SETDB1: variants seen among roughly 807,000 people sequenced by gnomAD.
SETDB1 encodes the protein histone-lysine N-methyltransferase SETDB1.
SETDB1 carries 31 observed loss-of-function variants against 137.4 expected under a neutral mutation model. That is an observed-to-expected ratio of 0.23 (90% CI 0.17 to 0.30). SETDB1 has a LOEUF of 0.30. SETDB1 is among the 10% of genes least tolerant of loss of function. SETDB1 has a pLI of 1.00. For synonymous variants in SETDB1, 548 were observed against 579.9 expected (o/e 0.95, Z 0.79); for missense variants, 1,113 against 1,631.5 (o/e 0.68, Z 5.47).
Position 150,950,541 on chromosome 1 carries a change from T to C in SETDB1, c.1667T>C (p.Leu556Pro). The C allele has an allele frequency of 6.2e-7, 1 of 1,614,096 alleles. No homozygotes were observed. The highest frequency in any genetic ancestry group is 8.5e-7 in the Non-Finnish European group (1 of 1,179,990). ...PPAPPVFHGM[L>P]ERAPAEPSYR... ...GCACCCCCAGTCTTCCATGGCATGC[T>C]GGAGCGGGCCCCAGCAGAGCCCTCC... is the stretch of plus-strand genomic sequence containing the variant. Residue 556 changes from leucine to proline, a missense_variant, in exon 13 of 22, where the codon CTG (leucine) becomes CCG (proline). Physicochemically the swap from Leu to Pro is moderately conservative, Grantham distance 98. Around this residue, in one of 11 missense-constraint regions of SETDB1, gnomAD observed 192 missense variants for 198.1 expected, o/e 0.97. Coordinates refer to ENST00000692827, the MANE Select transcript of SETDB1 (RefSeq NM_001366418.1).
intron 1 of SETDB1, chr1:150,926,809 G>A (rs774817510): frequency 1.1e-5 from 6 of 533,318 alleles, no homozygotes; most frequent in East Asian, 1.1e-4. Flanking sequence ...TGGATATTAG[G>A]TACCCACGTT....
At chr1:150,952,199 T>A (rs1193546470) in intron 14 of SETDB1, among the ~76,000 whole-genome samples, 1 of 151,916 alleles carries the variant, frequency 6.6e-6, no homozygotes, top group African/African-American at 2.4e-5. Flanking sequence ...TCTTACAGGA[T>A]TTTAAGCTGC....
intron 14 of SETDB1, among the ~76,000 whole-genome samples, chr1:150,956,819 AAGTT>A (rs1430357747): frequency 2.0e-5 from 3 of 151,738 alleles, no homozygotes; most frequent in Non-Finnish European, 2.9e-5. Flanking sequence ...ATCTTTTTTA[AAGTT>A]AGAAAAAAAA....
rs186820437 is a variant in SETDB1 at position 150,945,148 on chromosome 1, G to A, written c.1140+40G>A. Reference sequence around the variant, plus strand: ...TACAATTTTGGAGGCAGAGGTTGGTGGGGGGGGAACTTAAGAAGCAGTAAT... The same window carrying A: ...TACAATTTTGGAGGCAGAGGTTGGTAGGGGGGGAACTTAAGAAGCAGTAAT... On this transcript the variant is annotated intron_variant, in intron 9 of 21. Coordinates refer to ENST00000692827, the MANE Select transcript of SETDB1 (RefSeq NM_001366418.1). 6.2e-6 allele frequency: 10 copies of A among 1,607,770 alleles called. No individual in the cohort carries two copies. In the Admixed American group the frequency reaches 6.7e-5, roughly 11 times the overall value.
In SETDB1 at chr1:150,932,235, T is replaced by A. The variant is rs587761934; in HGVS notation, c.412+2117T>A. On this transcript the variant is annotated intron_variant, in intron 3 of 21. Transcript: ENST00000692827. ...ACCCCTTCTCTAATTTTTTTTTTTT[T>A]AAAAAAAAAGAAAGAAAAAAATTTT... is the stretch of plus-strand genomic sequence containing the variant. 4.6e-4 allele frequency among the ~76,000 whole-genome samples: 68 copies of A among 149,316 alleles called. No homozygotes were observed. In the Middle Eastern group the frequency reaches 0.011, roughly 23 times the overall value.
chr1:150,941,787 A>G (rs1670165526), intron 5 of SETDB1, among the ~76,000 whole-genome samples: 1 of 151,860 alleles, frequency 6.6e-6, no homozygotes, highest in East Asian at 1.9e-4. Flanking sequence ...GAGGCCCAGC[A>G]TTAAAGACCA....
At chr1:150,961,745 ATTT>A (rs1670829947) in intron 16 of SETDB1, 1 of 208,360 alleles carries the variant, frequency 4.8e-6, no homozygotes, top group Non-Finnish European at 9.8e-6. Context: ...TTTATAAGTG[ATTT>A]TTTAATGTTA....
chr1:150,932,399 T>C (rs1184262857), intron 3 of SETDB1, among the ~76,000 whole-genome samples: 2 of 152,164 alleles, frequency 1.3e-5, no homozygotes, highest in Non-Finnish European at 2.9e-5. Flanking sequence ...TGATATTTCT[T>C]CCTAAAAAGT....
chr1:150,926,687 C>T, intron 1 of SETDB1, 170 bp downstream of exon 1: 1 of 523,624 alleles, frequency 1.9e-6, no homozygotes, highest in South Asian at 1.4e-5. Context: ...ATGGGTAGCA[C>T]GGGGGTGGGC....
At chr1:150,943,815 TCGTGTTGTGATCCAGAGAA>T in intron 7 of SETDB1, 86 bp from the exon 8 acceptor site, 1 of 713,394 alleles carries the variant, frequency 1.4e-6, no homozygotes, top group East Asian at 2.5e-5. Flanking sequence ...CTGGAGTGCA[TCGTGTTGTGATCCAGAGAA>T]GTAGAAGCTA....
Position 150,963,729 on chromosome 1 carries a change from C to T in SETDB1, c.3660C>T (p.Gly1220=). 6.2e-7 allele frequency: 1 copy of T among 1,614,038 alleles called. No individual in the cohort carries two copies. The highest frequency in any genetic ancestry group is 8.5e-7 in the Non-Finnish European group (1 of 1,179,928). The change falls in exon 20 of 22, where the codon GGC becomes GGT. Residue 1220 remains glycine (G), a synonymous_variant. Coordinates refer to ENST00000692827, the MANE Select transcript of SETDB1 (RefSeq NM_001366418.1). Reference sequence around the variant, plus strand: ...ATGCCAAGCTTGAAGGCAACCTGGGCCGCTACCTCAACGTGAGACCCCTCT... The same window carrying T: ...ATGCCAAGCTTGAAGGCAACCTGGGTCGCTACCTCAACGTGAGACCCCTCT... ...IIDAKLEGNL[G]RYLNHSCSPN...
At chr1:150,949,870 T>G (rs924292447) in intron 12 of SETDB1, among the ~76,000 whole-genome samples, 1 of 152,170 alleles carries the variant, frequency 6.6e-6, no homozygotes, top group Non-Finnish European at 1.5e-5. Context: ...AAAAAAACAT[T>G]GGTAGAAGAC....
chr1:150,941,559 T>C (rs762678217), intron 5 of SETDB1, 131 bp downstream of exon 5: 125 of 594,624 alleles, frequency 2.1e-4, no homozygotes, highest in Non-Finnish European at 3.5e-4. Flanking sequence ...AAATCCCAGT[T>C]ACATTGATGG....
rs1430207688 is a variant in SETDB1, at chr1:150,931,738, A to AAC, written c.412+1621_412+1622insCA. ...ACTCTGTCTCACCCAAAAAAAAAAA[A>AAC]AAAAAAAACAGACATCCTTTTCTTC... On this transcript the variant is annotated intron_variant, in intron 3 of 21. Transcript: ENST00000692827. Among the ~76,000 whole-genome samples, 9 of 148,360 alleles carry AAC rather than the reference A, an allele frequency of 6.1e-5. No homozygotes were observed. The South Asian group carries it at 1.9e-3, about 31-fold the overall frequency.
chr1:150,930,783 G>T (rs1351327140), intron 3 of SETDB1, among the ~76,000 whole-genome samples: 1 of 151,970 alleles, frequency 6.6e-6, no homozygotes, highest in Non-Finnish European at 1.5e-5. Context: ...TGATCCACTT[G>T]CCTTGGCCTC....
intron 8 of SETDB1, 96 bp from the exon 9 acceptor site, chr1:150,944,822 T>G: frequency 7.2e-7 from 1 of 1,395,744 alleles, no homozygotes; most frequent in Non-Finnish European, 9.7e-7. Context: ...TCTCTCCTTT[T>G]CAACTTAAAA....
chr1:150,935,971 A>C (rs1052564793), intron 3 of SETDB1, among the ~76,000 whole-genome samples: 3 of 152,070 alleles, frequency 2.0e-5, no homozygotes, highest in South Asian at 4.1e-4. Flanking sequence ...TTTTCCTGAG[A>C]GTTCCATATC....
intron 12 of SETDB1, 39 bp from the exon 13 acceptor site, chr1:150,950,419 T>C: frequency 1.3e-6 from 2 of 1,516,624 alleles, no homozygotes; most frequent in Non-Finnish European, 1.8e-6. Context: ...ACAGAGGTCC[T>C]GTTGCCTTCC....
Position 150,946,879 on chromosome 1 carries a change from T to C in SETDB1, c.1141-7T>C, listed in dbSNP as rs1270830348. On this transcript the variant is annotated splice_region_variant and splice_polypyrimidine_tract_variant and intron_variant, in intron 9 of 21. Coordinates refer to ENST00000692827, the MANE Select transcript of SETDB1 (RefSeq NM_001366418.1). ...TTTCCCTTCATTCTTTTCTCTCAAT[T>C]CCCCAGGATGACAAAAGATGTGAGT... 4 of 1,613,870 alleles carry C rather than the reference T, an allele frequency of 2.5e-6. No individual in the cohort carries two copies. Among genetic ancestry groups the C allele is most frequent in the Non-Finnish European group, 3.4e-6 (4 of 1,179,856 alleles).
Sources: gnomAD v4.1 joint callset for allele counts (sites outside exome capture counted in the v4.1 genomes callset) on GRCh38, gnomAD v4.1.1 for gene constraint, gnomAD v4.1.1 regional missense constraint, MANE v1.5 for transcripts, NCBI Gene and HGNC (gene_info 2026-07-23, HGNC 2026-07-21) for gene names.